The following EDEM3 variants were observed in gnomAD, a reference collection of about 807,000 sequenced individuals.
EDEM3 encodes the protein ER degradation enhancing alpha-mannosidase like protein 3.
EDEM3 carries 60 observed loss-of-function variants against 110.2 expected under a neutral mutation model. The observed-to-expected ratio is 0.54, with a 90% CI of 0.44 to 0.67. The LOEUF is 0.67. EDEM3 is among the 30% of genes least tolerant of loss of function. The pLI is 0.00. For synonymous variants in EDEM3, 352 were observed against 382.9 expected (o/e 0.92, Z 0.94); for missense variants, 996 against 1,121.0 (o/e 0.89, Z 1.59).
chr1:184,690,281 T>C lies in EDEM3; in HGVS notation c.*3782A>G, dbSNP rs1296054974. The C allele has an allele frequency of 6.6e-6, 1 of 152,318 alleles. No homozygotes were observed. Among genetic ancestry groups the C allele is most frequent in the Non-Finnish European group, 1.5e-5 (1 of 68,038 alleles). 9.4% of individuals were successfully genotyped at this position (152,318 alleles called of 1,614,324 possible). On this transcript the variant is annotated 3_prime_UTR_variant, in exon 20 of 20. Coordinates refer to ENST00000318130, the MANE Select transcript of EDEM3 (RefSeq NM_025191.4). ...TTTTATTCACTTAGCATTACCTTTGTGCATGCTACTGACTTGTTGAAAAAC... is the reference window on the plus strand; with the variant it reads ...TTTTATTCACTTAGCATTACCTTTGCGCATGCTACTGACTTGTTGAAAAAC...
intron 4 of EDEM3, 27 bp from the exon 5 acceptor site, chr1:184,734,670 G>T: frequency 1.1e-6 from 1 of 948,288 alleles, no homozygotes; most frequent in Non-Finnish European, 1.5e-6. Context: ...ATGAAATAAA[G>T]TTCTTTTCTA....
chr1:184,748,444 G>A lies in EDEM3; in HGVS notation c.204+1103C>T, dbSNP rs199934404. Among the ~76,000 whole-genome samples the A allele has an allele frequency of 8.1e-4, 105 of 130,392 alleles. No homozygotes were observed. The East Asian group carries it at 0.022, about 27-fold the overall frequency. The allele number at this position is 130,392 out of a possible 152,430, so 85.5% of individuals were successfully genotyped here. On this transcript the variant is annotated intron_variant, in intron 2 of 19. Transcript: ENST00000318130. ...AGCCTGGGCGACAGAGCACAACTCC[G>A]TCTCAAAAAAAAAAACAAAAAACAA...
In EDEM3 at chr1:184,708,565, C is replaced by T. The variant is rs866751237; in HGVS notation, c.1846-221G>A. 7.9e-5 allele frequency among the ~76,000 whole-genome samples: 12 copies of T among 152,154 alleles called. No homozygotes were observed. In the South Asian group the frequency reaches 1.0e-3, roughly 13 times the overall value. On this transcript the variant is annotated intron_variant, in intron 16 of 19. Transcript: ENST00000318130. Reference sequence around the variant, plus strand: ...CCGTATTTTTTATCAATGTCACTTTCGCTATTCTATAAACCACTTTTGATT... The same window carrying T: ...CCGTATTTTTTATCAATGTCACTTTTGCTATTCTATAAACCACTTTTGATT...
intron 19 of EDEM3, among the ~76,000 whole-genome samples, chr1:184,702,251 T>C (rs1649665944): frequency 6.6e-6 from 1 of 152,208 alleles, no homozygotes; most frequent in Non-Finnish European, 1.5e-5. Context: ...CTCTCATAAA[T>C]TAAGACATGC....
chr1:184,717,863 A>ACTCT (rs1650640095), intron 11 of EDEM3, among the ~76,000 whole-genome samples: 1 of 151,964 alleles, frequency 6.6e-6, no homozygotes, highest in Non-Finnish European at 1.5e-5. Flanking sequence ...AAACTCAGAA[A>ACTCT]AACTCCATAA....
In EDEM3 at chr1:184,750,042, C is replaced by T. The variant is rs1343950433; in HGVS notation, c.159-450G>A. On this transcript the variant is annotated intron_variant, in intron 1 of 19. Coordinates refer to ENST00000318130, the MANE Select transcript of EDEM3 (RefSeq NM_025191.4). ...TATGTTCTACTAAGAGAGAGGTACA[C>T]AGGTGTGTAGTGACATGAAATAACA... is the stretch of plus-strand genomic sequence containing the variant. Among the ~76,000 whole-genome samples the T allele has an allele frequency of 4.6e-5, 7 of 152,302 alleles. No individual in the cohort carries two copies. The East Asian group carries it at 7.7e-4, about 17-fold the overall frequency.
intron 19 of EDEM3, among the ~76,000 whole-genome samples, chr1:184,699,689 T>G (rs10911634): frequency 0.3 from 46,242 of 151,622 alleles, 8,564 homozygotes; most frequent in East Asian, 0.55. Flanking sequence ...ATCAGAGCAT[T>G]GCAAATGATG....
At chr1:184,728,763 C>T (rs1457544837) in intron 6 of EDEM3, among the ~76,000 whole-genome samples, 2 of 152,138 alleles carry the variant, frequency 1.3e-5, no homozygotes, top group Admixed American at 1.3e-4. Context: ...GCACACACCA[C>T]TACATCCAGC....
chr1:184,726,156 G>A (rs1651178817), intron 7 of EDEM3, 99 bp downstream of exon 7: 8 of 1,434,684 alleles, frequency 5.6e-6, no homozygotes, highest in Non-Finnish European at 7.5e-6. Context: ...TAAAATAACA[G>A]TAATTCTCCA....
rs1649210623 is a variant in EDEM3, at chr1:184,694,220, G to C, written c.2642C>G (p.Thr881Arg). 1 of 1,613,328 alleles carries C rather than the reference G, an allele frequency of 6.2e-7. No individual in the cohort carries two copies. Among genetic ancestry groups the C allele is most frequent in the African/African-American group, 1.3e-5 (1 of 74,874 alleles). Residue 881 changes from threonine to arginine, a missense_variant, in exon 20 of 20, where the codon ACA becomes AGA. By Grantham distance (71) the Thr-to-Arg change is moderately conservative (BLOSUM62 -1). Coordinates refer to ENST00000318130, the MANE Select transcript of EDEM3 (RefSeq NM_025191.4). ...TTCTTGAAGCTGGTTATCTAAATCT[G>C]TACATTCACCATTAAGATTTGTAGT... Reference protein sequence around the residue: ...HETTNLNGECTDLDNQLQEQS... With the variant: ...HETTNLNGECRDLDNQLQEQS...
intron 18 of EDEM3, 52 bp downstream of exon 18, chr1:184,706,591 C>A: frequency 7.0e-7 from 1 of 1,425,516 alleles, no homozygotes; most frequent in Admixed American, 2.4e-5. Flanking sequence ...GGGAAAAAAT[C>A]CTAAAAATTA....
At chr1:184,722,077 G>T (rs879515102) in intron 8 of EDEM3, among the ~76,000 whole-genome samples, 30 of 151,966 alleles carry the variant, frequency 2.0e-4, no homozygotes, top group Admixed American at 7.2e-4. Context: ...ATTTGTATTT[G>T]CATTATAAAT....
Position 184,694,282 on chromosome 1 carries a change from A to C in EDEM3, c.2580T>G (p.Pro860=). 6.2e-7 allele frequency: 1 copy of C among 1,613,348 alleles called. No homozygotes were observed. Among genetic ancestry groups the C allele is most frequent in the Non-Finnish European group, 8.5e-7 (1 of 1,179,610 alleles). Residue 860 remains proline (P), a synonymous_variant, in exon 20 of 20, where the codon CCT becomes CCG. Transcript: ENST00000318130. ...ADMDNAASIS[P]SEQTSNPTEN... ...CTGTGGGATTAGAAGTCTGTTCAGAAGGGGAAATGCTTGCAGCATTGTCCA... is the reference window on the plus strand; with the variant it reads ...CTGTGGGATTAGAAGTCTGTTCAGACGGGGAAATGCTTGCAGCATTGTCCA...
intron 19 of EDEM3, among the ~76,000 whole-genome samples, chr1:184,700,936 G>T (rs936952089): frequency 1.3e-5 from 2 of 151,898 alleles, no homozygotes; most frequent in Non-Finnish European, 2.9e-5. Context: ...TTTATCAAAA[G>T]ATCACTCTAT....
Position 184,694,345 on chromosome 1 carries a change from A to G in EDEM3, c.2517T>C (p.Ser839=). The change falls in exon 20 of 20, where the codon TCT becomes TCC. Residue 839 remains serine, a synonymous_variant. Coordinates refer to ENST00000318130, the MANE Select transcript of EDEM3 (RefSeq NM_025191.4). ...LVDQESSEEN[S]LNSHPESLSL... Reference sequence around the variant, plus strand: ...ATAATGATTCTGGGTGAGAATTTAGAGAATTTTCCTCAGAAGACTCTTGAT... The same window carrying G: ...ATAATGATTCTGGGTGAGAATTTAGGGAATTTTCCTCAGAAGACTCTTGAT... 1 of 1,612,996 alleles carries G rather than the reference A, an allele frequency of 6.2e-7. No homozygotes were observed. Among genetic ancestry groups the G allele is most frequent in the Non-Finnish European group, 8.5e-7 (1 of 1,179,564 alleles).
chr1:184,717,038 AAT>A, intron 12 of EDEM3, 26 bp from the exon 13 acceptor site: 1 of 1,529,320 alleles, frequency 6.5e-7, no homozygotes, highest in Non-Finnish European at 9.0e-7. Flanking sequence ...ATATATGTAT[AAT>A]ATATATAGCT....
intron 17 of EDEM3, 61 bp downstream of exon 17, chr1:184,708,092 A>G (rs1306425497): frequency 3.6e-6 from 5 of 1,389,618 alleles, no homozygotes; most frequent in Non-Finnish European, 4.8e-6. Context: ...GAGACTAAGA[A>G]ATAAGGCAAT....
intron 19 of EDEM3, among the ~76,000 whole-genome samples, chr1:184,702,569 A>T (rs149941154): frequency 6.6e-6 from 1 of 152,290 alleles, no homozygotes. Context: ...CTCAGGGCAA[A>T]AATTACAAAT....
chr1:184,749,558 C>A lies in EDEM3; in HGVS notation c.193G>T (p.Gly65Cys). The change falls in exon 2 of 20, where the codon GGT (glycine) becomes TGT (cysteine). Residue 65 changes from glycine (G) to cysteine (C), a missense_variant. By Grantham distance (159) the Gly-to-Cys change is radical (BLOSUM62 -3). This residue lies in a region of EDEM3 where 200 missense variants were observed against 183.8 expected (regional missense o/e 1.09). Transcript: ENST00000318130. ...QVLEMFDHAYGNYMEHAYPAD... is the reference protein window; with the variant it reads ...QVLEMFDHAYCNYMEHAYPAD... ...AGCTTCCTACTTACCATATAGTTACCATAAGCATGATCAAACATTTCCAGT... is the reference window on the plus strand; with the variant it reads ...AGCTTCCTACTTACCATATAGTTACAATAAGCATGATCAAACATTTCCAGT... 6.4e-7 allele frequency: 1 copy of A among 1,568,170 alleles called. No homozygotes were observed. Among genetic ancestry groups the A allele is most frequent in the South Asian group, 1.2e-5 (1 of 85,000 alleles).
Sources: allele counts gnomAD v4.1 joint callset (sites outside exome capture counted in the v4.1 genomes callset), GRCh38; gene constraint gnomAD v4.1.1; regional missense constraint gnomAD v4.1.1; transcripts MANE v1.5; gene names NCBI Gene and HGNC (gene_info 2026-07-23, HGNC 2026-07-21).